CACNG3: variants seen among roughly 807,000 people sequenced by gnomAD.
The protein encoded by CACNG3 is calcium voltage-gated channel auxiliary subunit gamma 3.
Under a neutral mutation model 28.5 loss-of-function variants are expected in CACNG3, and 3 were observed. That is an observed-to-expected ratio of 0.11 (90% CI 0.05 to 0.27). The LOEUF (loss-of-function observed/expected upper bound fraction) is 0.27, where lower values mean the gene tolerates loss of function less well. Among genes scored for constraint, CACNG3 ranks in the 10% least tolerant of loss-of-function variants. The pLI is 1.00. For missense variants in CACNG3, 236 were observed against 414.4 expected (o/e 0.57, Z 3.74); for synonymous variants, 174 against 162.2 (o/e 1.07, Z -0.55).
chr16:24,326,232 CACA>C (rs1335905960), intron 1 of CACNG3, among the ~76,000 whole-genome samples: 1 of 150,976 alleles, frequency 6.6e-6, no homozygotes, highest in Non-Finnish European at 1.5e-5. Flanking sequence ...AGTGCAATGG[CACA>C]ACCTCTGCTC....
intron 1 of CACNG3, among the ~76,000 whole-genome samples, chr16:24,317,938 C>T (rs1462141155): frequency 6.6e-6 from 1 of 152,270 alleles, no homozygotes; most frequent in African/African-American, 2.4e-5. Context: ...GGTCACTCAG[C>T]CCAGATGCTC....
At chr16:24,287,983 A>G (rs1898916403) in intron 1 of CACNG3, among the ~76,000 whole-genome samples, 1 of 152,170 alleles carries the variant, frequency 6.6e-6, no homozygotes, top group African/African-American at 2.4e-5. Flanking sequence ...GTAAGTAAGT[A>G]AGGTTGAGAC....
chr16:24,286,305 G>T (rs1240565794), intron 1 of CACNG3, among the ~76,000 whole-genome samples: 1 of 151,818 alleles, frequency 6.6e-6, no homozygotes, highest in East Asian at 1.9e-4. Flanking sequence ...GATCAATAAG[G>T]GTATGGGGTT....
intron 1 of CACNG3, among the ~76,000 whole-genome samples, chr16:24,309,249 G>A (rs1383490395): frequency 6.6e-6 from 1 of 152,162 alleles, no homozygotes; most frequent in Non-Finnish European, 1.5e-5. Flanking sequence ...ATATGCACAA[G>A]GTGCATCCCA....
chr16:24,291,525 A>G (rs945406386), intron 1 of CACNG3, among the ~76,000 whole-genome samples: 1 of 152,192 alleles, frequency 6.6e-6, no homozygotes, highest in African/African-American at 2.4e-5. Flanking sequence ...GTGGGGGCAT[A>G]TAAGGACCTG....
rs1003156766 is a variant in CACNG3, at chr16:24,278,622, T to TA, written c.211+21659dup. ...AGAGGGAGACTCTGTCTAAAAATAA[T>TA]AATAAATAAATAAATAAATAAAATC... On this transcript the variant is annotated intron_variant, in intron 1 of 3. Transcript: ENST00000005284. Among the ~76,000 whole-genome samples the TA allele has an allele frequency of 3.3e-5, 5 of 152,032 alleles. No homozygotes were observed. In the East Asian group the frequency reaches 5.8e-4, roughly 18 times the overall value.
At chr16:24,316,123 C>A (rs1325351643) in intron 1 of CACNG3, among the ~76,000 whole-genome samples, 3 of 151,820 alleles carry the variant, frequency 2.0e-5, no homozygotes, top group African/African-American at 7.2e-5. Context: ...AGAGTGTAAG[C>A]AAGTTGTCCA....
intron 1 of CACNG3, among the ~76,000 whole-genome samples, chr16:24,326,949 G>A (rs1470198413): frequency 6.6e-6 from 1 of 151,952 alleles, no homozygotes; most frequent in African/African-American, 2.4e-5. Context: ...GACGCTAACT[G>A]GAGGCTCCAG....
intron 3 of CACNG3, among the ~76,000 whole-genome samples, chr16:24,355,230 G>T (rs534430899): frequency 6.6e-6 from 1 of 152,254 alleles, no homozygotes; most frequent in African/African-American, 2.4e-5. Context: ...GAGGGAAGAA[G>T]AAAGGGGCAG....
intron 1 of CACNG3, among the ~76,000 whole-genome samples, chr16:24,270,420 C>G (rs1354536899): frequency 1.3e-5 from 2 of 152,210 alleles, no homozygotes; most frequent in African/African-American, 4.8e-5. Context: ...AAAGATGAAT[C>G]TGGCAGGCAA....
At chr16:24,356,097 T>C (rs1900027835) in intron 3 of CACNG3, among the ~76,000 whole-genome samples, 1 of 152,176 alleles carries the variant, frequency 6.6e-6, no homozygotes, top group Admixed American at 6.5e-5. Context: ...TTTCACCCCT[T>C]TACCATCTCT....
chr16:24,296,393 T>G (rs1400549948), intron 1 of CACNG3, among the ~76,000 whole-genome samples: 1 of 152,126 alleles, frequency 6.6e-6, no homozygotes, highest in African/African-American at 2.4e-5. Context: ...TTAAACCTCT[T>G]CCTTACCAGA....
intron 1 of CACNG3, among the ~76,000 whole-genome samples, chr16:24,281,217 A>G (rs1278429832): frequency 2.6e-5 from 4 of 152,050 alleles, no homozygotes; most frequent in Admixed American, 2.6e-4. Context: ...TTTGTTTGAG[A>G]CAGGGTCTCA....
intron 1 of CACNG3, among the ~76,000 whole-genome samples, chr16:24,329,691 A>G (rs1490146087): frequency 6.6e-6 from 1 of 152,180 alleles, no homozygotes; most frequent in African/African-American, 2.4e-5. Context: ...GAACCTCTAC[A>G]CATTATATTG....
intron 1 of CACNG3, among the ~76,000 whole-genome samples, chr16:24,311,613 T>C (rs563384928): frequency 6.6e-6 from 1 of 152,266 alleles, no homozygotes; most frequent in South Asian, 2.1e-4. Context: ...CCCAACACTT[T>C]GGGAGGCCCA....
chr16:24,262,536 C>T (rs756986456), intron 1 of CACNG3, among the ~76,000 whole-genome samples: 22 of 152,236 alleles, frequency 1.4e-4, no homozygotes, highest in Non-Finnish European at 2.9e-4. Context: ...ACTGCACCTA[C>T]CCTAGCCCTT....
intron 3 of CACNG3, among the ~76,000 whole-genome samples, chr16:24,356,425 G>A (rs181943099): frequency 6.6e-6 from 1 of 152,314 alleles, no homozygotes; most frequent in East Asian, 1.9e-4. Flanking sequence ...ACTGCAGCTG[G>A]GCTTGGTGGC....
chr16:24,344,102 C>T (rs1190056955), intron 1 of CACNG3, among the ~76,000 whole-genome samples: 2 of 151,864 alleles, frequency 1.3e-5, no homozygotes, highest in East Asian at 3.9e-4. Context: ...ACATTAGGCA[C>T]CTCATAAAGT....
intron 1 of CACNG3, among the ~76,000 whole-genome samples, chr16:24,342,513 A>G (rs1030337017): frequency 1.3e-5 from 2 of 152,138 alleles, no homozygotes; most frequent in Admixed American, 6.6e-5. Flanking sequence ...CCTTCTTGGG[A>G]CAGAAATCTT....
Sources: gnomAD v4.1 joint callset for allele counts (sites outside exome capture counted in the v4.1 genomes callset) on GRCh38, gnomAD v4.1.1 for gene constraint, MANE v1.5 for transcripts, NCBI Gene and HGNC (gene_info 2026-07-23, HGNC 2026-07-21) for gene names.